Variants in COL15A1 observed in about 807,000 individuals in gnomAD.
The protein encoded by COL15A1 is collagen alpha-1(XV) chain.
In COL15A1, 111 loss-of-function variants were observed where a neutral mutation model predicts 165.9. The observed-to-expected ratio is 0.67, with a 90% CI of 0.57 to 0.78. The LOEUF (loss-of-function observed/expected upper bound fraction) is 0.78. Among genes scored for constraint, COL15A1 ranks in the 30% least tolerant of loss-of-function variants. The probability of loss-of-function intolerance (pLI) is 0.00; values close to 1 mark genes in which losing one functional copy is unlikely to be tolerated. For synonymous variants in COL15A1, 659 were observed against 674.8 expected (o/e 0.98, Z 0.36); for missense variants, 1,745 against 1,789.7 (o/e 0.98, Z 0.45).
At chr9:98,984,549 C>T (rs138700041) in intron 2 of COL15A1, among the ~76,000 whole-genome samples, 1 of 152,172 alleles carries the variant, frequency 6.6e-6, no homozygotes, top group African/African-American at 2.4e-5. Context: ...TACCTAACCT[C>T]ATAGGTTTGT....
chr9:98,960,349 G>A (rs1837846008), intron 2 of COL15A1, among the ~76,000 whole-genome samples: 1 of 152,192 alleles, frequency 6.6e-6, no homozygotes, highest in Non-Finnish European at 1.5e-5. Flanking sequence ...GCAGTGAGCC[G>A]AGGTCACACC....
At position 99,056,258 on chromosome 9, in the gene COL15A1, A is replaced by C. The variant is rs1825718388; in HGVS notation, c.3193-2A>C. The C allele has an allele frequency of 1.9e-6, 3 of 1,614,144 alleles. No homozygotes were observed. The highest frequency in any genetic ancestry group is 1.7e-5 in the Admixed American group (1 of 60,036). ...TCTGTTATTGTGTGCTTGCCTTGAC[A>C]GGGCCAAAAAGGGGAGACAGTCGTT... On this transcript the variant is annotated splice_acceptor_variant, in intron 34 of 41. Coordinates refer to ENST00000375001, the MANE Select transcript of COL15A1 (RefSeq NM_001855.5). LOFTEE classifies it high-confidence loss of function.
At chr9:98,983,015 A>G (rs1036810268) in intron 2 of COL15A1, among the ~76,000 whole-genome samples, 3 of 152,028 alleles carry the variant, frequency 2.0e-5, no homozygotes, top group Non-Finnish European at 4.4e-5. Context: ...ACAACGCTAT[A>G]GGCTAATTAC....
intron 35 of COL15A1, among the ~76,000 whole-genome samples, chr9:99,056,731 A>T (rs1825726214): frequency 6.6e-6 from 1 of 152,110 alleles, no homozygotes; most frequent in South Asian, 2.1e-4. Flanking sequence ...CCTCCACCAG[A>T]TCTGGGCAAC....
intron 2 of COL15A1, among the ~76,000 whole-genome samples, chr9:98,958,487 A>G (rs747024318): frequency 3.3e-5 from 5 of 151,778 alleles, no homozygotes; most frequent in Admixed American, 6.6e-5. Flanking sequence ...ATGCCAAATT[A>G]CTCACTCTCC....
chr9:98,944,185 G>A lies in COL15A1; in HGVS notation c.35G>A (p.Cys12Tyr). ...AGGAGGAACAACGGGCAGTGCTGGT[G>A]TCTGCTGATGCTGCTCTCGGTCTCC... ...APRRNNGQCW[C>Y]LLMLLSVSTP... is the part of the protein sequence containing the mutation. Residue 12 changes from cysteine to tyrosine, a missense_variant, in exon 2 of 42, where the codon TGT (cysteine) becomes TAT (tyrosine). By Grantham distance (194) the Cys-to-Tyr change is radical (BLOSUM62 -2). Transcript: ENST00000375001. 1 of 1,614,094 alleles carries A rather than the reference G, an allele frequency of 6.2e-7. No homozygotes were observed. Among genetic ancestry groups the A allele is most frequent in the Non-Finnish European group, 8.5e-7 (1 of 1,179,992 alleles).
intron 2 of COL15A1, among the ~76,000 whole-genome samples, chr9:98,953,697 A>T (rs1588488796): frequency 2.0e-5 from 3 of 152,312 alleles, no homozygotes; most frequent in Admixed American, 2.0e-4. Context: ...GATGCCAGGG[A>T]ACCCCTTTCT....
At chr9:98,946,167 C>A (rs1291433729) in intron 2 of COL15A1, among the ~76,000 whole-genome samples, 1 of 152,172 alleles carries the variant, frequency 6.6e-6, no homozygotes, top group Non-Finnish European at 1.5e-5. Flanking sequence ...GAGGTGTGAA[C>A]ATGTTCATAT....
intron 5 of COL15A1, among the ~76,000 whole-genome samples, chr9:98,991,939 G>A (rs1447016851): frequency 1.3e-5 from 2 of 152,178 alleles, no homozygotes; most frequent in Non-Finnish European, 2.9e-5. Flanking sequence ...AGCACTGATT[G>A]GTGCATTTAC....
chr9:99,031,715 C>T (rs1052424717), intron 16 of COL15A1, among the ~76,000 whole-genome samples: 5 of 152,096 alleles, frequency 3.3e-5, no homozygotes, highest in Non-Finnish European at 5.9e-5. Context: ...TGTGGAAGTG[C>T]CTTCGGGCTG....
chr9:99,037,982 C>T (rs192483271), intron 21 of COL15A1, among the ~76,000 whole-genome samples: 4 of 152,044 alleles, frequency 2.6e-5, no homozygotes, highest in Admixed American at 1.3e-4. Flanking sequence ...GGGACCAGAT[C>T]GCATGCATTT....
At position 98,985,658 on chromosome 9, in the gene COL15A1, C is replaced by T. The variant is rs1157907284; in HGVS notation, c.194C>T (p.Pro65Leu). 2.0e-5 allele frequency: 33 copies of T among 1,614,128 alleles called. No homozygotes were observed. The highest frequency in any genetic ancestry group is 6.7e-5 in the Admixed American group (4 of 60,012). ...VSFVTGYGGF[P>L]AYSFGPGANV... ...TTTGTCACAGGCTATGGTGGCTTCCCGGCCTACAGTTTCGGGCCTGGTGCC... is the reference window on the plus strand; with the variant it reads ...TTTGTCACAGGCTATGGTGGCTTCCTGGCCTACAGTTTCGGGCCTGGTGCC... Residue 65 changes from proline to leucine, a missense_variant, in exon 3 of 42, where the codon CCG becomes CTG. Transcript: ENST00000375001.
Position 99,004,925 on chromosome 9 carries a change from G to T in COL15A1, c.1228G>T (p.Ala410Ser), listed in dbSNP as rs1047612913. 6.2e-7 allele frequency: 1 copy of T among 1,614,122 alleles called. No homozygotes were observed. Among genetic ancestry groups the T allele is most frequent in the Non-Finnish European group, 8.5e-7 (1 of 1,179,984 alleles). ...TCCAGATAATGAAGAGCGTTTAGCA[G>T]CAACAGCAGCAGGGGAGGCCGAGGC... ...PGPDNEERLA[A>S]TAAGEAEALA... Residue 410 changes from alanine (A) to serine (S), a missense_variant, in exon 9 of 42, where the codon GCA (alanine) becomes TCA (serine). Ala to Ser is a moderately conservative substitution (Grantham distance 99, BLOSUM62 1). Transcript: ENST00000375001.
intron 9 of COL15A1, 31 bp downstream of exon 9, chr9:99,005,081 G>T (rs1301407491): frequency 6.4e-7 from 1 of 1,551,034 alleles, no homozygotes; most frequent in South Asian, 1.2e-5. Context: ...AAAGGTTGAG[G>T]TCATGGTGGG....
At chr9:99,033,925 C>G (rs1024727772) in intron 16 of COL15A1, among the ~76,000 whole-genome samples, 1 of 152,154 alleles carries the variant, frequency 6.6e-6, no homozygotes, top group African/African-American at 2.4e-5. Flanking sequence ...GTCCTCTCCT[C>G]TGCTTGGAGC....
intron 16 of COL15A1, among the ~76,000 whole-genome samples, chr9:99,034,154 A>T (rs1839255903): frequency 6.6e-6 from 1 of 152,086 alleles, no homozygotes; most frequent in Non-Finnish European, 1.5e-5. Flanking sequence ...TACATTTCAG[A>T]TCATGAAGCC....
chr9:98,962,599 T>C (rs1837881802), intron 2 of COL15A1, among the ~76,000 whole-genome samples: 1 of 152,246 alleles, frequency 6.6e-6, no homozygotes, highest in African/African-American at 2.4e-5. Context: ...AATTAAATTT[T>C]CAAGGTCCTG....
At position 98,950,576 on chromosome 9, in the gene COL15A1, CT is replaced by C. The variant is rs1293275723; in HGVS notation, c.100+6328del. ...CCTTCCTTCCTTCCTTCCTTCCTTC[CT>C]TCCTTCCTTCCTTCCTCCCTCCCTC... On this transcript the variant is annotated intron_variant, in intron 2 of 41. Coordinates refer to ENST00000375001, the MANE Select transcript of COL15A1 (RefSeq NM_001855.5). Among the ~76,000 whole-genome samples, 130 of 118,868 alleles carry C rather than the reference CT, an allele frequency of 1.1e-3. 1 individual carries two copies. Among genetic ancestry groups the C allele is most frequent in the East Asian group, 7.8e-3 (30 of 3,840 alleles). 78.0% of individuals were successfully genotyped at this position (118,868 alleles called of 152,430 possible).
At chr9:98,993,012 C>T (rs1330788545) in intron 5 of COL15A1, among the ~76,000 whole-genome samples, 2 of 152,174 alleles carry the variant, frequency 1.3e-5, no homozygotes, top group African/African-American at 4.8e-5. Context: ...CTTCCCCAAC[C>T]CAACTTTTCT....
Sources: gnomAD v4.1 joint callset for allele counts (sites outside exome capture counted in the v4.1 genomes callset) on GRCh38, gnomAD v4.1.1 for gene constraint, MANE v1.5 for transcripts, NCBI Gene and HGNC (gene_info 2026-07-23, HGNC 2026-07-21) for gene names.